Variants in RSPO2 observed in about 807,000 individuals in gnomAD.
RSPO2 encodes the protein R-spondin 2.
In RSPO2, 14 loss-of-function variants were observed where a neutral mutation model predicts 30.9. The observed-to-expected ratio is 0.45, with a 90% confidence interval of 0.30 to 0.71. The LOEUF (loss-of-function observed/expected upper bound fraction) is 0.71, where lower values mean the gene tolerates loss of function less well. RSPO2 is among the 30% of genes least tolerant of loss of function. The pLI, the probability that RSPO2 is intolerant of heterozygous loss-of-function variation, is 0.08. For synonymous variants in RSPO2, 107 were observed against 96.4 expected (o/e 1.11, Z -0.64); for missense variants, 264 against 301.9 (o/e 0.87, Z 0.93).
In RSPO2 at chr8:108,040,321, A is replaced by T. The variant is rs568152866; in HGVS notation, c.94+42224T>A. On this transcript the variant is annotated intron_variant, in intron 2 of 5. Coordinates refer to ENST00000276659, the MANE Select transcript of RSPO2 (RefSeq NM_178565.5). ...TGAAAATCCCTTTTTTAATCCATGAACTTCTCCACTGAAGGCATCTAGACT... is the reference window on the plus strand; with the variant it reads ...TGAAAATCCCTTTTTTAATCCATGATCTTCTCCACTGAAGGCATCTAGACT... Among the ~76,000 whole-genome samples the T allele has an allele frequency of 3.9e-5, 6 of 152,256 alleles. No homozygotes were observed. The East Asian group carries it at 1.2e-3, about 29-fold the overall frequency.
chr8:108,050,476 T>C (rs1300297989), intron 2 of RSPO2, among the ~76,000 whole-genome samples: 1 of 152,160 alleles, frequency 6.6e-6, no homozygotes, highest in South Asian at 2.1e-4. Context: ...AAAGTAAATA[T>C]GGAAATATAT....
chr8:108,009,922 G>A (rs781694879), intron 2 of RSPO2, among the ~76,000 whole-genome samples: 11 of 149,854 alleles, frequency 7.3e-5, no homozygotes, highest in Admixed American at 1.3e-4. Context: ...GGTGGCACAC[G>A]CTTGTAGTCC....
chr8:107,911,503 C>T (rs557056377), intron 5 of RSPO2, among the ~76,000 whole-genome samples: 23 of 152,084 alleles, frequency 1.5e-4, no homozygotes, highest in Admixed American at 9.2e-4. Flanking sequence ...TTAGTTTTCT[C>T]AATTCTAAAC....
chr8:107,954,605 T>TTTA (rs559227021), intron 5 of RSPO2, among the ~76,000 whole-genome samples: 14 of 39,728 alleles, frequency 3.5e-4, no homozygotes, highest in South Asian at 1.4e-3. Flanking sequence ...TATTTATTTA[T>TTTA]TTTATTTATT....
At chr8:107,911,053 A>C (rs1285294038) in intron 5 of RSPO2, among the ~76,000 whole-genome samples, 1 of 152,278 alleles carries the variant, frequency 6.6e-6, no homozygotes, top group South Asian at 2.1e-4. Context: ...GTGGTCAGGA[A>C]CCAAAGCCAT....
At chr8:108,064,749 A>G (rs1812603427) in intron 2 of RSPO2, among the ~76,000 whole-genome samples, 1 of 152,222 alleles carries the variant, frequency 6.6e-6, no homozygotes, top group Admixed American at 6.5e-5. Context: ...CACTATTCAC[A>G]ATAGCAAATA....
chr8:108,012,103 T>C (rs1810727807), intron 2 of RSPO2, among the ~76,000 whole-genome samples: 1 of 152,232 alleles, frequency 6.6e-6, no homozygotes, highest in Non-Finnish European at 1.5e-5. Context: ...CTATAGTATT[T>C]GGATCCTGCT....
intron 2 of RSPO2, among the ~76,000 whole-genome samples, chr8:108,045,562 C>A (rs998874075): frequency 6.6e-6 from 1 of 152,020 alleles, no homozygotes; most frequent in East Asian, 1.9e-4. Flanking sequence ...TAATATGATA[C>A]ATTCAGGAGT....
In RSPO2 at chr8:108,072,319, C is replaced by CTTTTT. The variant is rs34402426; in HGVS notation, c.94+10221_94+10225dup. 1.2e-3 allele frequency among the ~76,000 whole-genome samples: 99 copies of CTTTTT among 84,272 alleles called. 4 individuals carry two copies. The highest frequency in any genetic ancestry group is 3.6e-3 in the African/African-American group (74 of 20,764). 55.3% of individuals were successfully genotyped at this position (84,272 alleles called of 152,430 possible). ...TGAAAAACAATGAGATGGCAGAGAA[C>CTTTTT]TTTTTTTTTTTTTTTTTTTTTTTTG... On this transcript the variant is annotated intron_variant, in intron 2 of 5. Transcript: ENST00000276659.
At chr8:107,999,448 GTTTT>G (rs1251166302) in intron 2 of RSPO2, among the ~76,000 whole-genome samples, 1 of 152,032 alleles carries the variant, frequency 6.6e-6, no homozygotes, top group Non-Finnish European at 1.5e-5. Flanking sequence ...GTTTTTGTTT[GTTTT>G]GAGACAAAGT....
chr8:108,012,780 A>C (rs1810751506), intron 2 of RSPO2, among the ~76,000 whole-genome samples: 1 of 152,228 alleles, frequency 6.6e-6, no homozygotes, highest in Admixed American at 6.5e-5. Flanking sequence ...TCTTCCAAGA[A>C]AGTTAAAGCT....
intron 2 of RSPO2, among the ~76,000 whole-genome samples, chr8:108,010,593 G>A (rs540780502): frequency 1.2e-4 from 18 of 152,294 alleles, no homozygotes; most frequent in African/African-American, 4.3e-4. Flanking sequence ...GGACAGAGAT[G>A]CAGAGAGCCT....
Position 107,962,071 on chromosome 8 carries a change from C to T in RSPO2, c.284-1254G>A, listed in dbSNP as rs576167490. On this transcript the variant is annotated intron_variant, in intron 3 of 5. Coordinates refer to ENST00000276659, the MANE Select transcript of RSPO2 (RefSeq NM_178565.5). ...TTACTTGTAACAGTTTTAACCGACG[C>T]AATTGACAGCACGTAAAGTGCTATG... 3.7e-4 allele frequency among the ~76,000 whole-genome samples: 57 copies of T among 152,268 alleles called. No homozygotes were observed. The South Asian group carries it at 0.011, about 30-fold the overall frequency.
intron 5 of RSPO2, among the ~76,000 whole-genome samples, chr8:107,907,897 C>T (rs1319964219): frequency 6.6e-6 from 1 of 151,986 alleles, no homozygotes; most frequent in Non-Finnish European, 1.5e-5. Flanking sequence ...TCATAGAAGA[C>T]ATTTTATTAG....
At chr8:108,074,896 C>T (rs1344934344) in intron 2 of RSPO2, among the ~76,000 whole-genome samples, 1 of 152,188 alleles carries the variant, frequency 6.6e-6, no homozygotes, top group Non-Finnish European at 1.5e-5. Context: ...TCCTGGAAGG[C>T]ACTACACAGA....
At chr8:108,083,116 A>G (rs1225043892) in intron 1 of RSPO2, 81 bp downstream of exon 1, 1 of 156,136 alleles carries the variant, frequency 6.4e-6, no homozygotes, top group Non-Finnish European at 1.4e-5. Flanking sequence ...CAGGGCTAAA[A>G]GAACGCTCTT....
intron 5 of RSPO2, among the ~76,000 whole-genome samples, chr8:107,907,980 T>G (rs530630281): frequency 7.6e-4 from 115 of 152,198 alleles, no homozygotes; most frequent in South Asian, 1.5e-3. Flanking sequence ...ATGTTCAAAA[T>G]GATGGAAATG....
chr8:108,029,967 A>C (rs1393380894), intron 2 of RSPO2, among the ~76,000 whole-genome samples: 1 of 152,162 alleles, frequency 6.6e-6, no homozygotes, highest in Admixed American at 6.6e-5. Context: ...GTATGTGTTT[A>C]AAACTGTTAT....
At chr8:108,070,977 T>G (rs1812828435) in intron 2 of RSPO2, among the ~76,000 whole-genome samples, 1 of 152,222 alleles carries the variant, frequency 6.6e-6, no homozygotes, top group Non-Finnish European at 1.5e-5. Flanking sequence ...GTCTTGTTCC[T>G]GCTCTTTCCT....
Sources: gnomAD v4.1 joint callset for allele counts (sites outside exome capture counted in the v4.1 genomes callset) on GRCh38, gnomAD v4.1.1 for gene constraint, MANE v1.5 for transcripts, NCBI Gene and HGNC (gene_info 2026-07-23, HGNC 2026-07-21) for gene names.